The following DAAM1 variants were observed in gnomAD, a reference collection of about 807,000 sequenced individuals.
DAAM1 encodes the protein disheveled-associated activator of morphogenesis 1.
DAAM1 carries 52 observed loss-of-function variants against 130.0 expected under a neutral mutation model. The ratio of observed to expected loss-of-function variants is 0.40; its 90% confidence interval spans 0.32 to 0.50. The LOEUF is 0.50. DAAM1 is among the 20% of genes least tolerant of loss of function. DAAM1 has a pLI of 0.61. For synonymous variants in DAAM1, 452 were observed against 444.5 expected, an observed-to-expected ratio of 1.02 and a Z score of -0.21; for missense variants, 1,134 against 1,303.8, an observed-to-expected ratio of 0.87 and a Z score of 2.01.
intron 2 of DAAM1, among the ~76,000 whole-genome samples, chr14:59,268,311 G>A (rs1276721447): frequency 6.6e-6 from 1 of 152,230 alleles, no homozygotes; most frequent in Non-Finnish European, 1.5e-5. Context: ...ATATCCATAT[G>A]TAAGTTTTTG....
intron 2 of DAAM1, among the ~76,000 whole-genome samples, chr14:59,267,897 C>T (rs1301754572): frequency 9.9e-6 from 1 of 100,772 alleles, no homozygotes; most frequent in Non-Finnish European, 1.9e-5. Context: ...GATATACGCC[C>T]CCCCCTTTTT....
Position 59,368,659 on chromosome 14 carries a change from C to G in DAAM1, c.3007C>G (p.Gln1003Glu), listed in dbSNP as rs759772101. Residue 1003 changes from glutamine to glutamate, a missense_variant, in exon 25 of 25, where the codon CAA becomes GAA. Around this residue, in one of 3 missense-constraint regions of DAAM1, gnomAD observed 644 missense variants for 695.9 expected, o/e 0.93. Transcript: ENST00000360909. ...TTCTTTCTATTTGCAGCTCAAAGAA[C>G]AACGTGAAAGGGAACGTAAAATGAG... Reference protein sequence around the residue: ...RARMEAQLKEQRERERKMRKA... With the variant: ...RARMEAQLKEERERERKMRKA... 26 of 1,612,114 alleles carry G rather than the reference C, an allele frequency of 1.6e-5. No individual in the cohort carries two copies. The highest frequency in any genetic ancestry group is 2.2e-5 in the Non-Finnish European group (26 of 1,179,132).
In DAAM1 at chr14:59,323,060, G is replaced by A; in HGVS notation, c.609G>A (p.Glu203=). 1 of 1,613,980 alleles carries A rather than the reference G, an allele frequency of 6.2e-7. No homozygotes were observed. The highest frequency in any genetic ancestry group is 8.5e-7 in the Non-Finnish European group (1 of 1,179,958). Residue 203 remains glutamate, a synonymous_variant, in exon 6 of 25, where the codon GAG becomes GAA. Transcript: ENST00000360909. Reference sequence around the variant, plus strand: ...GGGCTCACGTCCTGGCTCATTCTGAGAGTATTAATGTAATTGCTCAGAGTC... The same window carrying A: ...GGGCTCACGTCCTGGCTCATTCTGAAAGTATTAATGTAATTGCTCAGAGTC... The part of the protein sequence containing the change: ...QGRAHVLAHS[E]SINVIAQSLS...
rs1196885068 is a variant in DAAM1, at chr14:59,367,409, T to G, written c.2827-20T>G. On this transcript the variant is annotated intron_variant, in intron 23 of 24. Transcript: ENST00000360909. Reference sequence around the variant, plus strand: ...GAATTCTCATGAAACATTGACTTCTTAAAACCATCTTTTTCCTAGTTTACT... The same window carrying G: ...GAATTCTCATGAAACATTGACTTCTGAAAACCATCTTTTTCCTAGTTTACT... The G allele has an allele frequency of 6.3e-7, 1 of 1,586,260 alleles. No individual in the cohort carries two copies. The highest frequency in any genetic ancestry group is 1.7e-5 in the Admixed American group (1 of 57,362).
intron 1 of DAAM1, among the ~76,000 whole-genome samples, chr14:59,237,077 G>T (rs1889326797): frequency 6.6e-6 from 1 of 152,142 alleles, no homozygotes. Context: ...TAGCCCTTGG[G>T]CCGCAATTTG....
At chr14:59,188,876 C>T in intron 1 of DAAM1, 108 bp downstream of exon 1, 1 of 153,372 alleles carries the variant, frequency 6.5e-6, no homozygotes, top group Non-Finnish European at 1.5e-5. Flanking sequence ...GTTCGCGGCG[C>T]GCCCTCCTGC....
intron 1 of DAAM1, among the ~76,000 whole-genome samples, chr14:59,217,747 C>T (rs1316553370): frequency 2.6e-5 from 4 of 151,792 alleles, no homozygotes; most frequent in South Asian, 2.1e-4. Flanking sequence ...CCAAGGCGGG[C>T]GGATCACAAG....
At chr14:59,227,177 C>T (rs1460227904) in intron 1 of DAAM1, among the ~76,000 whole-genome samples, 2 of 150,020 alleles carry the variant, frequency 1.3e-5, no homozygotes, top group African/African-American at 4.9e-5. Flanking sequence ...TTACAGACTC[C>T]CTTACAAATA....
chr14:59,191,827 TG>T, intron 1 of DAAM1, among the ~76,000 whole-genome samples: 1 of 152,230 alleles, frequency 6.6e-6, no homozygotes, highest in Non-Finnish European at 1.5e-5. Flanking sequence ...AGGCCACCAG[TG>T]TCTCCCAGAA....
chr14:59,291,247 G>A lies in DAAM1; in HGVS notation c.214G>A (p.Glu72Lys), dbSNP rs1293908104. ...ACTGGACCTCACAGACAAACACAGA[G>A]AAGCCATGTTTGCACTTCCAGCTGA... Reference protein sequence around the residue: ...DELDLTDKHREAMFALPAEKK... With the variant: ...DELDLTDKHRKAMFALPAEKK... The change falls in exon 3 of 25, where the codon GAA becomes AAA. Residue 72 changes from glutamate to lysine, a missense_variant. By Grantham distance (56) the Glu-to-Lys change is moderately conservative. Around this residue, in one of 3 missense-constraint regions of DAAM1, gnomAD observed 391 missense variants for 521.6 expected, o/e 0.75. Transcript: ENST00000360909. The A allele has an allele frequency of 6.2e-7, 1 of 1,611,288 alleles. No homozygotes were observed. Among genetic ancestry groups the A allele is most frequent in the Non-Finnish European group, 8.5e-7 (1 of 1,179,264 alleles).
At chr14:59,211,915 ATTATT>A (rs1264540457) in intron 1 of DAAM1, among the ~76,000 whole-genome samples, 2 of 152,190 alleles carry the variant, frequency 1.3e-5, no homozygotes, top group Admixed American at 1.3e-4. Flanking sequence ...TGAGTTCCAT[ATTATT>A]TTATGAACTT....
chr14:59,298,072 G>A (rs17833930), intron 3 of DAAM1, among the ~76,000 whole-genome samples: 9,988 of 152,178 alleles, frequency 0.066, 426 homozygotes, highest in Non-Finnish European at 0.097. Context: ...CCTTAAAATA[G>A]TTTTTTCTGG....
intron 20 of DAAM1, among the ~76,000 whole-genome samples, chr14:59,358,523 C>T (rs1314566542): frequency 6.6e-6 from 1 of 152,168 alleles, no homozygotes; most frequent in East Asian, 1.9e-4. Context: ...AACTTTCTGA[C>T]CACCCTTTGG....
intron 1 of DAAM1, among the ~76,000 whole-genome samples, chr14:59,209,727 T>A (rs1466768149): frequency 6.6e-6 from 1 of 152,216 alleles, no homozygotes. Context: ...TAAATGTATT[T>A]TCAACTTACA....
chr14:59,359,236 T>C lies in DAAM1; in HGVS notation c.2526-161T>C, dbSNP rs1886609877. Reference sequence around the variant, plus strand: ...GTCTCTTGAGAATCCCTGCCTTACATGATCCTCCAAATTTTGAAGTTAATG... The same window carrying C: ...GTCTCTTGAGAATCCCTGCCTTACACGATCCTCCAAATTTTGAAGTTAATG... On this transcript the variant is annotated intron_variant, in intron 20 of 24. Coordinates refer to ENST00000360909, the MANE Select transcript of DAAM1 (RefSeq NM_001270520.2). 5.5e-6 allele frequency: 3 copies of C among 549,330 alleles called. No individual in the cohort carries two copies. In the East Asian group the frequency reaches 8.9e-5, roughly 16 times the overall value. 34.0% of individuals were successfully genotyped at this position (549,330 alleles called of 1,614,324 possible). A position where few individuals can be genotyped will look rare whatever the true frequency, so the allele number is the denominator to read the frequency against.
intron 1 of DAAM1, among the ~76,000 whole-genome samples, chr14:59,199,152 C>G (rs369479459): frequency 2.0e-5 from 3 of 152,230 alleles, no homozygotes; most frequent in African/African-American, 7.2e-5. Context: ...GCCCCATGAT[C>G]TGATCCCCAG....
chr14:59,227,106 A>G (rs1888963737), intron 1 of DAAM1, among the ~76,000 whole-genome samples: 1 of 152,216 alleles, frequency 6.6e-6, no homozygotes, highest in African/African-American at 2.4e-5. Flanking sequence ...CCAGAATAAA[A>G]TGATTATATG....
intron 3 of DAAM1, among the ~76,000 whole-genome samples, chr14:59,310,815 CAT>C (rs1341915114): frequency 7.2e-5 from 11 of 152,164 alleles, no homozygotes; most frequent in African/African-American, 2.7e-4. Flanking sequence ...TAACAGCACA[CAT>C]AGAGATTTAT....
intron 8 of DAAM1, among the ~76,000 whole-genome samples, chr14:59,324,845 T>C (rs1174925188): frequency 1.3e-5 from 2 of 152,212 alleles, no homozygotes; most frequent in African/African-American, 4.8e-5. Context: ...CTATAAAACC[T>C]ATGGAATTAC....
Sources: gnomAD v4.1 joint callset for allele counts (sites outside exome capture counted in the v4.1 genomes callset) on GRCh38, gnomAD v4.1.1 for gene constraint, gnomAD v4.1.1 regional missense constraint, MANE v1.5 for transcripts, NCBI Gene and HGNC (gene_info 2026-07-23, HGNC 2026-07-21) for gene names.